Variants in RASSF8 observed in about 807,000 individuals in gnomAD.
RASSF8 encodes ras association domain-containing protein 8.
RASSF8 carries 22 observed loss-of-function variants against 48.5 expected under a neutral mutation model. That is an observed-to-expected ratio of 0.45 (90% CI 0.32 to 0.65). The LOEUF (loss-of-function observed/expected upper bound fraction) is 0.65, where lower values mean the gene tolerates loss of function less well. RASSF8 is among the 30% of genes least tolerant of loss of function. The pLI is 0.03. For synonymous variants in RASSF8, 127 were observed against 171.5 expected (o/e 0.74, Z 2.03); for missense variants, 418 against 489.2 (o/e 0.85, Z 1.37).
In RASSF8 at chr12:26,067,702, A is replaced by G. The variant is rs761150690; in HGVS notation, c.1127A>G (p.Asp376Gly). 1 of 1,614,150 alleles carries G rather than the reference A, an allele frequency of 6.2e-7. No individual in the cohort carries two copies. The highest frequency in any genetic ancestry group is 2.2e-5 in the East Asian group (1 of 44,872). Residue 376 changes from aspartate to glycine, a missense_variant, in exon 5 of 6, where the codon GAC becomes GGC. By Grantham distance (94) the Asp-to-Gly change is moderately conservative. Coordinates refer to ENST00000689635, the MANE Select transcript of RASSF8 (RefSeq NM_001394098.1). ...EPIEIEASHADIEREAPFQSG... is the reference protein window; with the variant it reads ...EPIEIEASHAGIEREAPFQSG... ...ATTGAAATAGAGGCCTCACATGCAG[A>G]CATTGAAAGGGGTAAGATGTTGATA...
At chr12:25,971,837 C>T (rs1941493209) in intron 1 of RASSF8, among the ~76,000 whole-genome samples, 1 of 152,210 alleles carries the variant, frequency 6.6e-6, no homozygotes, top group Non-Finnish European at 1.5e-5. Context: ...GAGTTTGGCT[C>T]TGGAACTGGT....
rs117804852 is a variant in RASSF8 at position 25,977,299 on chromosome 12, G to A, written c.-202-17738G>A. On this transcript the variant is annotated intron_variant, in intron 1 of 5. Transcript: ENST00000689635. ...GAGAAGTTTGCATGGATTCATCCTT[G>A]TTGGGCTGTGACTTAAGTATTTTGA... Among the ~76,000 whole-genome samples the A allele has an allele frequency of 5.9e-5, 9 of 152,280 alleles. 1 individual carries two copies. The East Asian group carries it at 1.5e-3, about 26-fold the overall frequency.
intron 1 of RASSF8, among the ~76,000 whole-genome samples, chr12:25,985,701 A>G (rs914488026): frequency 2.0e-5 from 3 of 152,188 alleles, no homozygotes; most frequent in East Asian, 1.9e-4. Flanking sequence ...TGTGGAATTT[A>G]GGGAGGGGTC....
At chr12:25,990,748 A>C (rs1178902617) in intron 1 of RASSF8, among the ~76,000 whole-genome samples, 1 of 152,204 alleles carries the variant, frequency 6.6e-6, no homozygotes, top group Non-Finnish European at 1.5e-5. Flanking sequence ...AGACAACAAA[A>C]ATTTAGGAAT....
chr12:26,019,587 GTGTGTGTGTGTGTGTGTC>G (rs972240941), intron 2 of RASSF8, among the ~76,000 whole-genome samples: 21 of 151,238 alleles, frequency 1.4e-4, no homozygotes, highest in Admixed American at 8.6e-4. Context: ...GTGTGTGTGT[GTGTGTGTGTGTGTGTGTC>G]TGTGTGTGTC....
intron 1 of RASSF8, among the ~76,000 whole-genome samples, chr12:25,989,457 T>C (rs935036176): frequency 6.6e-6 from 1 of 152,086 alleles, no homozygotes; most frequent in Admixed American, 6.5e-5. Flanking sequence ...TGAATACTTA[T>C]CAAAACGGCG....
At chr12:26,003,969 G>C (rs993846958) in intron 2 of RASSF8, among the ~76,000 whole-genome samples, 7 of 152,128 alleles carry the variant, frequency 4.6e-5, no homozygotes, top group Non-Finnish European at 7.4e-5. Context: ...TTGAACCCAG[G>C]AGTTTGAGAC....
Position 25,998,673 on chromosome 12 carries a change from T to C in RASSF8, c.-109+3543T>C, listed in dbSNP as rs559574504. Among the ~76,000 whole-genome samples, 221 of 152,308 alleles carry C rather than the reference T, an allele frequency of 1.5e-3. 8 individuals are homozygous for C. The South Asian group carries it at 0.043, about 30-fold the overall frequency. On this transcript the variant is annotated intron_variant, in intron 2 of 5. Coordinates refer to ENST00000689635, the MANE Select transcript of RASSF8 (RefSeq NM_001394098.1). ...GAAAGCTTTTCTTAAGGTTTGATTC[T>C]CTCTTGCCTTCTGCAAGATATTGAA...
chr12:26,078,959 G>A, intron 5 of RASSF8: 1 of 1,410,610 alleles, frequency 7.1e-7, no homozygotes, highest in South Asian at 1.5e-5. Context: ...TTGAGATCAT[G>A]ATTATGTATA....
chr12:26,040,481 C>G (rs1943240770), intron 2 of RASSF8, among the ~76,000 whole-genome samples: 1 of 152,118 alleles, frequency 6.6e-6, no homozygotes, highest in Non-Finnish European at 1.5e-5. Context: ...TTGGAAGAGG[C>G]AGGAAAGGGT....
At chr12:25,981,513 T>G (rs1278030991) in intron 1 of RASSF8, among the ~76,000 whole-genome samples, 6 of 152,198 alleles carry the variant, frequency 3.9e-5, no homozygotes, top group Non-Finnish European at 7.4e-5. Flanking sequence ...ATTCCCTAAC[T>G]TGGAATATTC....
intron 2 of RASSF8, among the ~76,000 whole-genome samples, chr12:26,002,387 T>G (rs977595979): frequency 6.6e-6 from 1 of 151,432 alleles, no homozygotes; most frequent in African/African-American, 2.4e-5. Context: ...GAGCCGAGAT[T>G]GCGTCACTGC....
At chr12:25,961,581 C>T (rs902721607) in intron 1 of RASSF8, among the ~76,000 whole-genome samples, 64 of 152,126 alleles carry the variant, frequency 4.2e-4, no homozygotes, top group Non-Finnish European at 5.6e-4. Context: ...TTGTCACTCC[C>T]GAGGTGAGTG....
intron 2 of RASSF8, among the ~76,000 whole-genome samples, chr12:26,050,915 A>T (rs916940679): frequency 7.9e-5 from 12 of 152,188 alleles, no homozygotes; most frequent in Admixed American, 7.9e-4. Flanking sequence ...AAGTTTGTAT[A>T]TATTATCTGA....
chr12:26,050,442 G>GA (rs1211112297), intron 2 of RASSF8, among the ~76,000 whole-genome samples: 12 of 152,274 alleles, frequency 7.9e-5, no homozygotes, highest in African/African-American at 2.6e-4. Flanking sequence ...GGTACAATTT[G>GA]AAAAGACATT....
downstream of RASSF8, among the ~76,000 whole-genome samples, chr12:26,077,865 G>C (rs938471071): frequency 5.3e-5 from 8 of 152,122 alleles, no homozygotes; most frequent in African/African-American, 1.4e-4. Flanking sequence ...GTATGTAATT[G>C]AGTTTCAGAG....
At chr12:25,962,818 G>T (rs1941267509) in intron 1 of RASSF8, among the ~76,000 whole-genome samples, 1 of 152,054 alleles carries the variant, frequency 6.6e-6, no homozygotes, top group Admixed American at 6.6e-5. Flanking sequence ...TTCCTTCTTT[G>T]CTGGTTATAT....
intron 1 of RASSF8, among the ~76,000 whole-genome samples, chr12:25,977,077 T>G (rs1259258677): frequency 1.3e-5 from 2 of 152,240 alleles, no homozygotes; most frequent in Non-Finnish European, 2.9e-5. Context: ...AATAATCAGG[T>G]CTGGCAATTT....
At chr12:26,068,584 T>C (rs1399694555) in intron 5 of RASSF8, 113 bp from the exon 6 acceptor site, 7 of 812,752 alleles carry the variant, frequency 8.6e-6, no homozygotes, top group African/African-American at 1.7e-5. Context: ...GGGATTGCAA[T>C]TATTGCTCTA....
Sources: allele counts gnomAD v4.1 joint callset (sites outside exome capture counted in the v4.1 genomes callset), GRCh38; gene constraint gnomAD v4.1.1; transcripts MANE v1.5; gene names NCBI Gene and HGNC (gene_info 2026-07-23, HGNC 2026-07-21).